Variants in EIF1AY observed in about 807,000 individuals in gnomAD.
The protein encoded by EIF1AY is eukaryotic translation initiation factor 1A Y-linked, also known as eukaryotic translation initiation factor 1A, Y-chromosomal.
For missense variants in EIF1AY, 19 were observed against 30.6 expected (o/e 0.62, Z 0.89); for synonymous variants, 16 against 9.9 (o/e 1.62, Z -1.16).
intron 2 of EIF1AY, among the ~76,000 whole-genome samples, chrY:20,581,909 A>G: frequency 3.0e-5 from 1 of 33,622 alleles, no homozygotes; most frequent in South Asian, 6.6e-4. Flanking sequence ...AGTAACAGAA[A>G]TAGCTTGTCA....
At chrY:20,579,492 C>T in intron 1 of EIF1AY, 116 bp from the exon 2 acceptor site, 1 of 135,782 alleles carries the variant, frequency 7.4e-6, no homozygotes, top group Non-Finnish European at 1.4e-5. Context: ...TTTTAATTTT[C>T]CTGCAAGTGG....
chrY:20,580,031 T>C, intron 2 of EIF1AY, among the ~76,000 whole-genome samples: 1 of 27,713 alleles, frequency 3.6e-5, no homozygotes, highest in African/African-American at 1.5e-4. Context: ...GCTACGAGTT[T>C]GACACTAGCC....
At chrY:20,586,948 C>G in intron 4 of EIF1AY, 1 of 33,696 alleles carries the variant, frequency 3.0e-5, no homozygotes, top group Non-Finnish European at 7.3e-5. Context: ...AAGTGTTGGT[C>G]TATTTCATAC....
chrY:20,588,708 T>A (rs2089356633), intron 5 of EIF1AY: 1 of 33,808 alleles, frequency 3.0e-5, no homozygotes, highest in Admixed American at 2.7e-4. Context: ...GTATTTTACT[T>A]GGCAGCTATT....
chrY:20,577,497 C>T, intron 1 of EIF1AY, among the ~76,000 whole-genome samples: 1 of 32,245 alleles, frequency 3.1e-5, no homozygotes, highest in Non-Finnish European at 7.6e-5. Flanking sequence ...AAATTGAAAA[C>T]AATTTTTTTT....
chrY:20,589,431 A>G, intron 5 of EIF1AY, 53 bp from the exon 6 acceptor site: 3 of 353,132 alleles, frequency 8.5e-6, no homozygotes, highest in African/African-American at 6.7e-5. Context: ...TGGCCTCCCA[A>G]ATTGGTGGGA....
chrY:20,576,555 A>T (rs917828726), intron 1 of EIF1AY, among the ~76,000 whole-genome samples: 1 of 33,936 alleles, frequency 2.9e-5, no homozygotes, highest in Non-Finnish European at 7.3e-5. Flanking sequence ...CCTCGGTAGA[A>T]CCCTTTCTCA....
At chrY:20,578,259 C>T (rs775469816) in intron 1 of EIF1AY, among the ~76,000 whole-genome samples, 2 of 33,067 alleles carry the variant, frequency 6.0e-5, no homozygotes, top group East Asian at 1.6e-3. Context: ...TGGTATTCTA[C>T]AAAAATCTTA....
chrY:20,592,636 T>C lies in EIF1AY; in HGVS notation c.*290T>C. 1 of 50,399 alleles carries C rather than the reference T, an allele frequency of 2.0e-5. No homozygotes were observed. Among genetic ancestry groups the C allele is most frequent in the African/African-American group, 1.1e-4 (1 of 9,212 alleles). The allele number at this position is 50,399 out of a possible 400,897, so 12.6% of individuals were successfully genotyped here. A position where few individuals can be genotyped will look rare whatever the true frequency, so the allele number is the denominator to read the frequency against. ...GAGTGCCTTTCCTACTGTGATAACG[T>C]CAAGTAATTGGATATTTTGAATACA... is the stretch of plus-strand genomic sequence containing the variant. On this transcript the variant is annotated 3_prime_UTR_variant, in exon 7 of 7. Coordinates refer to ENST00000361365, the MANE Select transcript of EIF1AY (RefSeq NM_004681.4).
chrY:20,587,878 A>T, intron 4 of EIF1AY, 146 bp from the exon 5 acceptor site: 1 of 142,936 alleles, frequency 7.0e-6, no homozygotes, highest in Non-Finnish European at 1.3e-5. Context: ...TCTAGAGGGT[A>T]TTGGGGTAGG....
At chrY:20,587,230 A>G in intron 4 of EIF1AY, 2 of 34,080 alleles carry the variant, frequency 5.9e-5, no homozygotes, top group Non-Finnish European at 1.5e-4. Flanking sequence ...TTCAAGTTCC[A>G]TAGACAATTC....
chrY:20,588,139 T>C, intron 5 of EIF1AY, 34 bp downstream of exon 5: 3 of 274,959 alleles, frequency 1.1e-5, no homozygotes, highest in Non-Finnish European at 1.7e-5. Context: ...CCTCATTATT[T>C]GATATTAATG....
At chrY:20,585,618 GTTACT>G (rs2089354025) in intron 4 of EIF1AY, among the ~76,000 whole-genome samples, 2 of 33,415 alleles carry the variant, frequency 6.0e-5, no homozygotes, top group African/African-American at 2.3e-4. Context: ...GCATATTGAA[GTTACT>G]TTACTTTTCA....
intron 6 of EIF1AY, 75 bp from the exon 7 acceptor site, chrY:20,592,266 G>C: frequency 4.7e-6 from 1 of 214,918 alleles, no homozygotes; most frequent in Non-Finnish European, 7.4e-6. Flanking sequence ...GTTTACCACT[G>C]GGAGTCTTTA....
intron 4 of EIF1AY, among the ~76,000 whole-genome samples, chrY:20,586,164 G>T (rs1603578968): frequency 3.1e-5 from 1 of 32,757 alleles, no homozygotes; most frequent in Non-Finnish European, 7.5e-5. Flanking sequence ...TAATATTAGG[G>T]CTTTCCTATG....
At chrY:20,584,916 C>T (rs2089353660) in intron 4 of EIF1AY, among the ~76,000 whole-genome samples, 4 of 33,103 alleles carry the variant, frequency 1.2e-4, no homozygotes, top group Non-Finnish European at 2.2e-4. Flanking sequence ...TCCCAAATGC[C>T]GGTCTGTTAA....
At chrY:20,576,973 T>C in intron 1 of EIF1AY, among the ~76,000 whole-genome samples, 1 of 33,885 alleles carries the variant, frequency 3.0e-5, no homozygotes, top group Non-Finnish European at 7.3e-5. Flanking sequence ...GGATAAAGTG[T>C]ATTCTGGGAG....
chrY:20,579,358 A>G, intron 1 of EIF1AY, among the ~76,000 whole-genome samples: 1 of 33,294 alleles, frequency 3.0e-5, no homozygotes, highest in Non-Finnish European at 7.4e-5. Flanking sequence ...CAAGAAGGAT[A>G]GTATTGATAT....
At chrY:20,584,051 G>T in intron 3 of EIF1AY, among the ~76,000 whole-genome samples, 1 of 32,407 alleles carries the variant, frequency 3.1e-5, no homozygotes, top group Non-Finnish European at 7.5e-5. Context: ...ATATTTCAGG[G>T]TTTTTTTCTA....
Sources: allele counts gnomAD v4.1 joint callset (sites outside exome capture counted in the v4.1 genomes callset), GRCh38; gene constraint gnomAD v4.1.1; transcripts MANE v1.5; gene names NCBI Gene and HGNC (gene_info 2026-07-23, HGNC 2026-07-21).